The following DCDC2 variants were observed in gnomAD, a reference collection of about 807,000 sequenced individuals.
The protein encoded by DCDC2 is doublecortin domain-containing protein 2.
In DCDC2, 40 loss-of-function variants were observed where a neutral mutation model predicts 50.2. The observed-to-expected ratio is 0.80, with a 90% CI of 0.62 to 1.04. DCDC2 has a LOEUF of 1.04. DCDC2 is among the 50% of genes least tolerant of loss of function. DCDC2 has a pLI of 0.00. For missense variants in DCDC2, 570 were observed against 581.9 expected, an observed-to-expected ratio of 0.98 and a Z score of 0.21; for synonymous variants, 234 against 210.6, an observed-to-expected ratio of 1.11 and a Z score of -0.96.
intron 8 of DCDC2, among the ~76,000 whole-genome samples, chr6:24,193,524 GC>G (rs1761354709): frequency 6.6e-6 from 1 of 152,104 alleles, no homozygotes; most frequent in African/African-American, 2.4e-5. Flanking sequence ...TTTGGAGATG[GC>G]TTAGTAACAG....
At position 24,173,958 on chromosome 6, in the gene DCDC2, G is replaced by C. The variant is rs6901696; in HGVS notation, c.*772C>G. The stretch of plus-strand genomic sequence containing the variant: ...AGATACTATTGGTAAAGATAGACTG[G>C]ATCAGTGAAAATCCACAGGATTTCC... On this transcript the variant is annotated 3_prime_UTR_variant, in exon 10 of 10. Transcript: ENST00000378454. 1 of 152,052 alleles carries C rather than the reference G, an allele frequency of 6.6e-6. No homozygotes were observed. The highest frequency in any genetic ancestry group is 1.5e-5 in the Non-Finnish European group (1 of 68,026). The allele number at this position is 152,052 out of a possible 1,614,324, so 9.4% of individuals were successfully genotyped here. A position where few individuals can be genotyped will look rare whatever the true frequency, so the allele number is the denominator to read the frequency against.
At chr6:24,376,811 T>C in the DCDC2 span, among the ~76,000 whole-genome samples, 1 of 47,048 alleles carries the variant, frequency 2.1e-5, no homozygotes, top group African/African-American at 7.2e-5. Flanking sequence ...AATGTTGTTT[T>C]TTTAATAAAA....
chr6:24,303,054 A>T (rs563095569), intron 2 of DCDC2, among the ~76,000 whole-genome samples: 1 of 151,786 alleles, frequency 6.6e-6, no homozygotes, highest in Non-Finnish European at 1.5e-5. Context: ...TAGGAAGCTA[A>T]CCCCACATCT....
At chr6:24,331,210 C>G (rs1581656452) in intron 2 of DCDC2, among the ~76,000 whole-genome samples, 1 of 152,268 alleles carries the variant, frequency 6.6e-6, no homozygotes, top group African/African-American at 2.4e-5. Context: ...CTACTCAACC[C>G]TTTAAAGTGC....
chr6:24,321,105 C>T (rs1346807339), intron 2 of DCDC2, among the ~76,000 whole-genome samples: 1 of 151,628 alleles, frequency 6.6e-6, no homozygotes, highest in Non-Finnish European at 1.5e-5. Flanking sequence ...ATCTAAGAAT[C>T]CATACTGATG....
At chr6:24,272,792 G>A (rs1271298299) in intron 7 of DCDC2, among the ~76,000 whole-genome samples, 1 of 152,166 alleles carries the variant, frequency 6.6e-6, no homozygotes, top group African/African-American at 2.4e-5. Context: ...CAGTCTCCAT[G>A]GAAAACAGCA....
At chr6:24,344,276 C>A (rs1212547300) in intron 2 of DCDC2, among the ~76,000 whole-genome samples, 2 of 152,100 alleles carry the variant, frequency 1.3e-5, no homozygotes, top group Admixed American at 1.3e-4. Context: ...GAACATTATG[C>A]TAAGTGAAAT....
At chr6:24,376,733 T>G in the DCDC2 span, among the ~76,000 whole-genome samples, 1 of 47,804 alleles carries the variant, frequency 2.1e-5, no homozygotes, top group East Asian at 5.9e-4. Flanking sequence ...AAGACAGGTA[T>G]ATGCAAAAAA....
chr6:24,215,125 G>T (rs747421555), intron 7 of DCDC2, among the ~76,000 whole-genome samples: 13 of 152,190 alleles, frequency 8.5e-5, no homozygotes, highest in Middle Eastern at 3.2e-3. Context: ...AAAAAATGGG[G>T]AGAGGAGAAC....
chr6:24,253,352 C>A (rs1762831573), intron 7 of DCDC2, among the ~76,000 whole-genome samples: 1 of 152,072 alleles, frequency 6.6e-6, no homozygotes, highest in Non-Finnish European at 1.5e-5. Context: ...ATAAGGAATA[C>A]CTTTACACAA....
the DCDC2 span, among the ~76,000 whole-genome samples, chr6:24,367,324 A>G: frequency 6.6e-6 from 1 of 152,258 alleles, no homozygotes; most frequent in Non-Finnish European, 1.5e-5. Flanking sequence ...ACAGAGACAC[A>G]AGAGATAGGC....
At chr6:24,213,907 C>A (rs558602047) in intron 7 of DCDC2, among the ~76,000 whole-genome samples, 1 of 152,096 alleles carries the variant, frequency 6.6e-6, no homozygotes, top group Non-Finnish European at 1.5e-5. Flanking sequence ...AAAAACTAAT[C>A]AAATGAGAGC....
At chr6:24,359,939 G>A (rs999357460), upstream of DCDC2, among the ~76,000 whole-genome samples, 1 of 152,180 alleles carries the variant, frequency 6.6e-6, no homozygotes, top group Admixed American at 6.5e-5. Context: ...GGGCCCAGGA[G>A]GTGCCCTCCG....
chr6:24,372,938 G>T, the DCDC2 span, among the ~76,000 whole-genome samples: 2 of 151,730 alleles, frequency 1.3e-5, no homozygotes, highest in African/African-American at 2.4e-5. Context: ...ACAAAAAAAA[G>T]AAAAAAACAT....
chr6:24,353,744 A>G, intron 1 of DCDC2, 121 bp from the exon 2 acceptor site: 1 of 556,720 alleles, frequency 1.8e-6, no homozygotes, highest in Non-Finnish European at 3.0e-6. Flanking sequence ...TAAAGCAAAA[A>G]CAAATAGCTA....
At chr6:24,381,807 G>GAAGGAAGGAAGGAAGGA in the DCDC2 span, among the ~76,000 whole-genome samples, 11 of 72,934 alleles carry the variant, frequency 1.5e-4, no homozygotes, top group Non-Finnish European at 2.7e-4. Flanking sequence ...GGAAAGAAAG[G>GAAGGAAGGAAGGAAGGA]AAGGAAGGAA....
chr6:24,339,452 C>T (rs1760115811), intron 2 of DCDC2, among the ~76,000 whole-genome samples: 1 of 152,222 alleles, frequency 6.6e-6, no homozygotes, highest in Non-Finnish European at 1.5e-5. Context: ...GTGCTCATAT[C>T]ATTTTTTTGA....
chr6:24,176,699 C>A (rs543504224), intron 9 of DCDC2, among the ~76,000 whole-genome samples: 1 of 152,286 alleles, frequency 6.6e-6, no homozygotes, highest in East Asian at 1.9e-4. Context: ...CCTTACTGTA[C>A]AATAGATCTC....
intron 7 of DCDC2, among the ~76,000 whole-genome samples, chr6:24,209,583 C>T (rs766750901): frequency 1.3e-5 from 2 of 152,106 alleles, no homozygotes; most frequent in Non-Finnish European, 2.9e-5. Context: ...TTTTAGTGTG[C>T]CAATAATAGT....
Sources: allele counts gnomAD v4.1 joint callset (sites outside exome capture counted in the v4.1 genomes callset), GRCh38; gene constraint gnomAD v4.1.1; transcripts MANE v1.5; gene names NCBI Gene and HGNC (gene_info 2026-07-23, HGNC 2026-07-21).